Variants in MBD5 observed in about 807,000 individuals in gnomAD.
The protein encoded by MBD5 is methyl-CpG binding domain protein 5, also known as methyl-CpG-binding domain protein 5.
Under a neutral mutation model 117.3 loss-of-function variants are expected in MBD5, and 13 were observed. That is an observed-to-expected ratio of 0.11 (90% CI 0.07 to 0.18). MBD5 has a LOEUF of 0.18. MBD5 is among the 10% of genes least tolerant of loss of function. The probability of loss-of-function intolerance (pLI) is 1.00; values close to 1 mark genes in which losing one functional copy is unlikely to be tolerated. For synonymous variants in MBD5, 727 were observed against 766.4 expected (o/e 0.95, Z 0.85); for missense variants, 1,879 against 2,093.8 (o/e 0.90, Z 2.00).
chr2:148,455,991 C>T (rs1252126647), intron 4 of MBD5, among the ~76,000 whole-genome samples: 1 of 152,126 alleles, frequency 6.6e-6, no homozygotes, highest in Non-Finnish European at 1.5e-5. Context: ...GCTAGAAATT[C>T]CATGAGGCCA....
chr2:148,113,372 A>G (rs867346068), intron 1 of MBD5, among the ~76,000 whole-genome samples: 1 of 152,154 alleles, frequency 6.6e-6, no homozygotes, highest in African/African-American at 2.4e-5. Flanking sequence ...TTTTTTTTTA[A>G]CAGTACTTAC....
In MBD5 at chr2:148,375,432, A is replaced by G. The variant is rs186581503; in HGVS notation, c.-557+33096A>G. Among the ~76,000 whole-genome samples the G allele has an allele frequency of 1.4e-3, 218 of 152,314 alleles. 1 individual carries two copies. The highest frequency in any genetic ancestry group is 4.7e-3 in the African/African-American group (196 of 41,564). On this transcript the variant is annotated intron_variant, in intron 4 of 13. Coordinates refer to ENST00000642680, the MANE Select transcript of MBD5 (RefSeq NM_001378120.1). ...TGATCCACTGCATGCAGCACTTACT[A>G]TGCACGAATCTGAACACCACTCTCA...
chr2:148,478,488 GC>G (rs1230042959), intron 8 of MBD5, among the ~76,000 whole-genome samples: 1 of 152,106 alleles, frequency 6.6e-6, no homozygotes, highest in Non-Finnish European at 1.5e-5. Context: ...AACCCAGGAG[GC>G]GGAGGTTGCA....
chr2:148,471,530 GT>G (rs1244305021), intron 8 of MBD5: 1 of 152,134 alleles, frequency 6.6e-6, no homozygotes, highest in Non-Finnish European at 1.5e-5. Context: ...TAATAAGCTA[GT>G]GTGTAGGTAT....
chr2:148,512,304 C>G (rs1219744035), intron 13 of MBD5: 1 of 173,134 alleles, frequency 5.8e-6, no homozygotes. Context: ...AATTTCAGAT[C>G]TGCCAACAGA....
At chr2:148,059,041 T>G (rs1694952902) in intron 1 of MBD5, among the ~76,000 whole-genome samples, 1 of 152,174 alleles carries the variant, frequency 6.6e-6, no homozygotes, top group Non-Finnish European at 1.5e-5. Flanking sequence ...ACTACTTACT[T>G]GAATGTGTAC....
At chr2:148,028,103 A>G (rs1364795032) in intron 1 of MBD5, 2 of 152,074 alleles carry the variant, frequency 1.3e-5, no homozygotes, top group Admixed American at 6.6e-5. Flanking sequence ...AATTTATTCA[A>G]AGTTGGATAT....
At chr2:148,473,341 C>T (rs1419944665) in intron 8 of MBD5, among the ~76,000 whole-genome samples, 3 of 151,866 alleles carry the variant, frequency 2.0e-5, no homozygotes, top group South Asian at 2.1e-4. Context: ...TAGTAGGTGA[C>T]GTGTCAGTAG....
chr2:148,503,225 G>A (rs1249387162), intron 12 of MBD5, among the ~76,000 whole-genome samples: 1 of 152,066 alleles, frequency 6.6e-6, no homozygotes, highest in Non-Finnish European at 1.5e-5. Context: ...TGATATGCCT[G>A]TTCAGTTGCC....
intron 11 of MBD5, among the ~76,000 whole-genome samples, chr2:148,495,797 C>T (rs1427554604): frequency 1.3e-5 from 2 of 152,144 alleles, no homozygotes; most frequent in Non-Finnish European, 1.5e-5. Context: ...ACCAACAAAA[C>T]TTATCTTTAT....
intron 3 of MBD5, among the ~76,000 whole-genome samples, chr2:148,248,922 A>G (rs375787152): frequency 6.6e-6 from 1 of 152,140 alleles, no homozygotes; most frequent in East Asian, 1.9e-4. Flanking sequence ...TGACTTTTCA[A>G]TAAGTATACT....
At chr2:148,410,435 T>A (rs1705215593) in intron 4 of MBD5, among the ~76,000 whole-genome samples, 2 of 152,132 alleles carry the variant, frequency 1.3e-5, no homozygotes, top group Non-Finnish European at 2.9e-5. Context: ...CTGGATATTA[T>A]TTTTTTGAGA....
At chr2:148,453,168 T>G (rs1257720089) in intron 4 of MBD5, among the ~76,000 whole-genome samples, 1 of 76,446 alleles carries the variant, frequency 1.3e-5, no homozygotes, top group Non-Finnish European at 2.8e-5. Flanking sequence ...CATCAGATAA[T>G]GAAAGTATCA....
At chr2:148,286,015 T>C (rs922655489) in intron 3 of MBD5, among the ~76,000 whole-genome samples, 4 of 152,148 alleles carry the variant, frequency 2.6e-5, no homozygotes, top group African/African-American at 7.2e-5. Flanking sequence ...AGCAAACACT[T>C]CTTTTTATTA....
chr2:148,039,055 C>T (rs561587448), intron 1 of MBD5, among the ~76,000 whole-genome samples: 22 of 152,150 alleles, frequency 1.4e-4, no homozygotes, highest in East Asian at 1.9e-4. Context: ...CAGCAGACTA[C>T]AGACAAAAAT....
At chr2:148,302,159 A>C (rs1267277371) in intron 3 of MBD5, among the ~76,000 whole-genome samples, 1 of 152,226 alleles carries the variant, frequency 6.6e-6, no homozygotes, top group Non-Finnish European at 1.5e-5. Context: ...TAAATGGCAG[A>C]TATTATGCTC....
chr2:148,508,819 T>G (rs1485243275), intron 12 of MBD5, among the ~76,000 whole-genome samples: 1 of 152,152 alleles, frequency 6.6e-6, no homozygotes, highest in Non-Finnish European at 1.5e-5. Flanking sequence ...TTGACAAATA[T>G]TTTTATTTAG....
chr2:148,385,976 G>A (rs1213928478), intron 4 of MBD5, among the ~76,000 whole-genome samples: 2 of 113,006 alleles, frequency 1.8e-5, no homozygotes, highest in Non-Finnish European at 3.5e-5. Context: ...GGGGGGAGGG[G>A]GGAGGGATAG....
At chr2:148,040,857 G>T (rs1694335902) in intron 1 of MBD5, among the ~76,000 whole-genome samples, 1 of 152,080 alleles carries the variant, frequency 6.6e-6, no homozygotes. Context: ...CTTTGAGGGT[G>T]GAGGCCCTGG....
Sources: allele counts gnomAD v4.1 joint callset (sites outside exome capture counted in the v4.1 genomes callset), GRCh38; gene constraint gnomAD v4.1.1; transcripts MANE v1.5; gene names NCBI Gene and HGNC (gene_info 2026-07-23, HGNC 2026-07-21).